Variants in ABCD2 observed in about 807,000 individuals in gnomAD.
ABCD2 encodes the protein ATP-binding cassette sub-family D member 2.
ABCD2 carries 36 observed loss-of-function variants against 70.9 expected under a neutral mutation model. The ratio of observed to expected loss-of-function variants is 0.51; its 90% CI spans 0.39 to 0.67. ABCD2 has a LOEUF of 0.67. Among genes scored for constraint, ABCD2 ranks in the 30% least tolerant of loss-of-function variants. ABCD2 has a pLI of 0.00. For missense variants in ABCD2, 729 were observed against 890.2 expected (o/e 0.82, Z 2.30); for synonymous variants, 304 against 306.9 (o/e 0.99, Z 0.10).
At chr12:39,598,939 T>C (rs1373929220) in intron 6 of ABCD2, among the ~76,000 whole-genome samples, 1 of 152,218 alleles carries the variant, frequency 6.6e-6, no homozygotes, top group East Asian at 1.9e-4. Context: ...TTCTAACATA[T>C]ACCCAAATGT....
At chr12:39,560,131 G>C (rs986050857) in intron 9 of ABCD2, among the ~76,000 whole-genome samples, 10 of 152,072 alleles carry the variant, frequency 6.6e-5, no homozygotes, top group Admixed American at 2.0e-4. Flanking sequence ...ATTTACATTA[G>C]GTATATCTCC....
At chr12:39,541,726 A>T in the ABCD2 span, among the ~76,000 whole-genome samples, 1 of 152,208 alleles carries the variant, frequency 6.6e-6, no homozygotes, top group Non-Finnish European at 1.5e-5. Flanking sequence ...TGCTCCTCTT[A>T]ATAGCCCTAA....
chr12:39,611,951 A>G (rs1288399020), intron 2 of ABCD2, among the ~76,000 whole-genome samples: 1 of 152,178 alleles, frequency 6.6e-6, no homozygotes, highest in African/African-American at 2.4e-5. Context: ...CAGGCACGTC[A>G]TAACAAAGGC....
At chr12:39,614,687 C>A (rs1281753952) in intron 2 of ABCD2, among the ~76,000 whole-genome samples, 1 of 151,912 alleles carries the variant, frequency 6.6e-6, no homozygotes, top group Admixed American at 6.6e-5. Context: ...AGAACTAAAA[C>A]CTTAAAGATA....
intron 9 of ABCD2, among the ~76,000 whole-genome samples, chr12:39,561,514 T>C (rs1941258581): frequency 3.9e-5 from 6 of 152,002 alleles, no homozygotes; most frequent in Admixed American, 3.9e-4. Flanking sequence ...ATGCAAAAGA[T>C]ATTTTATCCA....
At chr12:39,614,487 C>T (rs1346566972) in intron 2 of ABCD2, among the ~76,000 whole-genome samples, 1 of 151,964 alleles carries the variant, frequency 6.6e-6, no homozygotes, top group African/African-American at 2.4e-5. Flanking sequence ...ATTTTATCCT[C>T]TTTTTCCCCC....
At position 39,579,630 on chromosome 12, in the gene ABCD2, T is replaced by TAAA. The variant is rs753155865; in HGVS notation, c.1793-14_1793-12dup. On this transcript the variant is annotated splice_polypyrimidine_tract_variant and intron_variant, in intron 7 of 9. Coordinates refer to ENST00000308666, the MANE Select transcript of ABCD2 (RefSeq NM_005164.4). ...TAACAGCATCCCATCCTTAAGAAAATAAAAAAATATACATTTTTATAAATC... is the reference window on the plus strand; with the variant it reads ...TAACAGCATCCCATCCTTAAGAAAATAAAAAAAAAATATACATTTTTATAAATC... The TAAA allele has an allele frequency of 6.4e-7, 1 of 1,573,436 alleles. No individual in the cohort carries two copies. The highest frequency in any genetic ancestry group is 8.7e-7 in the Non-Finnish European group (1 of 1,151,072).
At chr12:39,608,305 T>A (rs902030066) in intron 2 of ABCD2, among the ~76,000 whole-genome samples, 27 of 152,192 alleles carry the variant, frequency 1.8e-4, no homozygotes, top group African/African-American at 6.5e-4. Context: ...TTGGGACAAA[T>A]AAATCAAAAG....
chr12:39,553,543 C>T lies in ABCD2; in HGVS notation c.*369G>A, dbSNP rs1037205847. 1 of 175,176 alleles carries T rather than the reference C, an allele frequency of 5.7e-6. No homozygotes were observed. Among genetic ancestry groups the T allele is most frequent in the Non-Finnish European group, 1.2e-5 (1 of 82,734 alleles). 10.9% of individuals were successfully genotyped at this position (175,176 alleles called of 1,614,324 possible). On this transcript the variant is annotated 3_prime_UTR_variant, in exon 10 of 10. Coordinates refer to ENST00000308666, the MANE Select transcript of ABCD2 (RefSeq NM_005164.4). ...TTGAATCTTATGCACTTGGTATCAA[C>T]CCAAATGCTGCTCAGTTTAACTTGT...
chr12:39,559,038 G>A lies in ABCD2; in HGVS notation c.2004-4907C>T, dbSNP rs565988267. On this transcript the variant is annotated intron_variant, in intron 9 of 9. Coordinates refer to ENST00000308666, the MANE Select transcript of ABCD2 (RefSeq NM_005164.4). ...TTATGATATGAAGAAAGAATGAAAA[G>A]GAATGAAGAAAGCTTATGGGACTTA... Among the ~76,000 whole-genome samples the A allele has an allele frequency of 7.2e-5, 11 of 152,168 alleles. No individual in the cohort carries two copies. In the South Asian group the frequency reaches 2.3e-3, roughly 32 times the overall value.
Position 39,573,699 on chromosome 12 carries a change from G to C in ABCD2, c.2003+17C>G, listed in dbSNP as rs755649052. 5 of 1,590,802 alleles carry C rather than the reference G, an allele frequency of 3.1e-6. No individual in the cohort carries two copies. The South Asian group carries it at 4.6e-5, about 15-fold the overall frequency. On this transcript the variant is annotated intron_variant, in intron 9 of 9. Transcript: ENST00000308666. ...AGGAAAAACCATCTACCACAAATTA[G>C]CACTAGAAACACTTACCAAAGAGAA...
chr12:39,573,342 G>A (rs1235892567), intron 9 of ABCD2, among the ~76,000 whole-genome samples: 1 of 151,902 alleles, frequency 6.6e-6, no homozygotes, highest in Admixed American at 6.6e-5. Context: ...GTATCAAGTT[G>A]TGTGTACATA....
chr12:39,566,967 C>A (rs1379135884), intron 9 of ABCD2, among the ~76,000 whole-genome samples: 1 of 152,182 alleles, frequency 6.6e-6, no homozygotes, highest in Non-Finnish European at 1.5e-5. Context: ...ATCCTGAGTT[C>A]TAATTTGATT....
chr12:39,541,225 A>G, the ABCD2 span, among the ~76,000 whole-genome samples: 1 of 152,260 alleles, frequency 6.6e-6, no homozygotes, highest in Non-Finnish European at 1.5e-5. Flanking sequence ...AATAGATGTT[A>G]AAGAAAAGTA....
At chr12:39,583,023 A>T (rs969770970) in intron 7 of ABCD2, among the ~76,000 whole-genome samples, 3 of 151,788 alleles carry the variant, frequency 2.0e-5, no homozygotes, top group African/African-American at 7.3e-5. Context: ...CCATTCCCGG[A>T]TAATTTTTGT....
chr12:39,613,915 C>T (rs1942081095), intron 2 of ABCD2, among the ~76,000 whole-genome samples: 1 of 152,144 alleles, frequency 6.6e-6, no homozygotes, highest in African/African-American at 2.4e-5. Context: ...ATTATTTTTC[C>T]TTTCCCTTCC....
chr12:39,536,577 T>C, the ABCD2 span, among the ~76,000 whole-genome samples: 3 of 152,248 alleles, frequency 2.0e-5, no homozygotes, highest in Admixed American at 2.0e-4. Context: ...TGTGGAATTC[T>C]TGGCTTTAGT....
At chr12:39,536,298 G>T in the ABCD2 span, among the ~76,000 whole-genome samples, 3 of 152,150 alleles carry the variant, frequency 2.0e-5, no homozygotes. Flanking sequence ...TTTTGAGAAT[G>T]TATCAGACCC....
intron 8 of ABCD2, among the ~76,000 whole-genome samples, chr12:39,576,001 A>T (rs1224770149): frequency 6.6e-6 from 1 of 152,230 alleles, no homozygotes; most frequent in African/African-American, 2.4e-5. Flanking sequence ...TAACACACTG[A>T]TACAGTGACA....
Sources: gnomAD v4.1 joint callset for allele counts (sites outside exome capture counted in the v4.1 genomes callset) on GRCh38, gnomAD v4.1.1 for gene constraint, MANE v1.5 for transcripts, NCBI Gene and HGNC (gene_info 2026-07-23, HGNC 2026-07-21) for gene names.